Variants in ZDHHC20 observed in about 807,000 individuals in gnomAD.
ZDHHC20 encodes zDHHC palmitoyltransferase 20.
In ZDHHC20, 43 loss-of-function variants were observed where a neutral mutation model predicts 57.8. That is an observed-to-expected ratio of 0.74 (90% CI 0.58 to 0.96). The LOEUF is 0.96. Ranked by LOEUF, ZDHHC20 falls within the 40% of genes least tolerant of loss-of-function variation. The pLI, the probability that ZDHHC20 is intolerant of heterozygous loss-of-function variation, is 0.00. For synonymous variants in ZDHHC20, 157 were observed against 153.0 expected (o/e 1.03, Z -0.19); for missense variants, 391 against 441.1 (o/e 0.89, Z 1.02).
At position 21,426,038 on chromosome 13, in the gene ZDHHC20, G is replaced by A. The variant is rs559539200; in HGVS notation, c.119-360C>T. Among the ~76,000 whole-genome samples the A allele has an allele frequency of 2.0e-5, 3 of 152,280 alleles. No homozygotes were observed. In the South Asian group the frequency reaches 6.2e-4, roughly 32 times the overall value. On this transcript the variant is annotated intron_variant, in intron 1 of 12. Transcript: ENST00000400590. Reference sequence around the variant, plus strand: ...CCCCATAACTTATTTGTTAGTCTGTGATGTACTCTTATCAACCTCTTTGTG... The same window carrying A: ...CCCCATAACTTATTTGTTAGTCTGTAATGTACTCTTATCAACCTCTTTGTG...
chr13:21,378,230 G>A (rs1193941489), intron 12 of ZDHHC20, among the ~76,000 whole-genome samples: 1 of 151,768 alleles, frequency 6.6e-6, no homozygotes, highest in Non-Finnish European at 1.5e-5. Flanking sequence ...ATTTTTTGTC[G>A]AGATGAGGTC....
In ZDHHC20 at chr13:21,384,165, T is replaced by G. The variant is rs540352859; in HGVS notation, c.855-1156A>C. 4.6e-5 allele frequency among the ~76,000 whole-genome samples: 7 copies of G among 150,842 alleles called. No individual in the cohort carries two copies. In the East Asian group the frequency reaches 1.4e-3, roughly 30 times the overall value. Reference sequence around the variant, plus strand: ...AGTTTTCAGGCTGAGGTGGGCCGGGTGCAGTGGCTCACATCTGTAATCCCA... The same window carrying G: ...AGTTTTCAGGCTGAGGTGGGCCGGGGGCAGTGGCTCACATCTGTAATCCCA... On this transcript the variant is annotated intron_variant, in intron 9 of 12. Transcript: ENST00000400590.
chr13:21,424,437 A>T (rs967543668), intron 2 of ZDHHC20, among the ~76,000 whole-genome samples: 2 of 152,184 alleles, frequency 1.3e-5, no homozygotes, highest in African/African-American at 4.8e-5. Flanking sequence ...TGGCCAGGCA[A>T]CGTGGCTCAC....
chr13:21,412,181 T>G (rs9506674), intron 4 of ZDHHC20, among the ~76,000 whole-genome samples: 2 of 152,152 alleles, frequency 1.3e-5, no homozygotes, highest in Admixed American at 1.3e-4. Context: ...AATCCTTGAA[T>G]GCAGCTGCAA....
chr13:21,418,206 C>T (rs1593238493), intron 3 of ZDHHC20, among the ~76,000 whole-genome samples: 1 of 152,060 alleles, frequency 6.6e-6, no homozygotes, highest in African/African-American at 2.4e-5. Context: ...AATTACAATA[C>T]CAGATGATAA....
intron 1 of ZDHHC20, among the ~76,000 whole-genome samples, chr13:21,445,543 A>AT (rs759135872): frequency 5.9e-5 from 9 of 152,248 alleles, no homozygotes; most frequent in Non-Finnish European, 1.2e-4. Context: ...CACCTGCCTA[A>AT]TGAACAGGCT....
At chr13:21,407,366 T>A (rs574173523) in intron 4 of ZDHHC20, among the ~76,000 whole-genome samples, 1 of 152,256 alleles carries the variant, frequency 6.6e-6, no homozygotes, top group Non-Finnish European at 1.5e-5. Flanking sequence ...TTGATTTGCA[T>A]TTCTCTAATG....
At chr13:21,394,129 C>A (rs117282188) in intron 7 of ZDHHC20, among the ~76,000 whole-genome samples, 2,239 of 152,248 alleles carry the variant, frequency 0.015, 30 homozygotes, top group Non-Finnish European at 0.025. Flanking sequence ...GTAAAAGCCA[C>A]AGTCATTTCA....
chr13:21,414,850 G>C (rs1879757079), intron 3 of ZDHHC20, among the ~76,000 whole-genome samples: 1 of 150,802 alleles, frequency 6.6e-6, no homozygotes, highest in South Asian at 2.1e-4. Context: ...ATGTTACCAG[G>C]AACTACAGGT....
chr13:21,402,350 C>T (rs1199771004), intron 5 of ZDHHC20, among the ~76,000 whole-genome samples: 2 of 151,992 alleles, frequency 1.3e-5, no homozygotes, highest in Non-Finnish European at 2.9e-5. Flanking sequence ...ATTTGCCTCC[C>T]TACTAGAATA....
At chr13:21,387,049 G>C (rs533482400) in intron 9 of ZDHHC20, among the ~76,000 whole-genome samples, 2 of 152,272 alleles carry the variant, frequency 1.3e-5, no homozygotes, top group Admixed American at 6.5e-5. Flanking sequence ...ATGGAAACTG[G>C]AAAGAAATGG....
In ZDHHC20 at chr13:21,372,794, T is replaced by C. The variant is rs140382888; in HGVS notation, c.*3902A>G. 6.6e-6 allele frequency: 1 copy of C among 152,338 alleles called. No individual in the cohort carries two copies. The highest frequency in any genetic ancestry group is 2.4e-5 in the African/African-American group (1 of 41,586). The allele number at this position is 152,338 out of a possible 1,614,324, so 9.4% of individuals were successfully genotyped here. On this transcript the variant is annotated 3_prime_UTR_variant, in exon 13 of 13. Transcript: ENST00000400590. Reference sequence around the variant, plus strand: ...ACCAAACTAAACTGTACTTCAAATTTGTTTATATAAAAGCATATTAAAGCT... The same window carrying C: ...ACCAAACTAAACTGTACTTCAAATTCGTTTATATAAAAGCATATTAAAGCT...
rs1385019552 is a variant in ZDHHC20, at chr13:21,398,260, C to T, written c.594+2113G>A. On this transcript the variant is annotated intron_variant, in intron 7 of 12. Transcript: ENST00000400590. ...CGGGCAGATCACGAGGTCAGGAGAT[C>T]GAGACCATCCTGGCTAACACGGTGA... Among the ~76,000 whole-genome samples the T allele has an allele frequency of 7.2e-5, 11 of 152,114 alleles. No individual in the cohort carries two copies. The East Asian group carries it at 1.5e-3, about 21-fold the overall frequency.
At chr13:21,438,935 A>G (rs1038085039) in intron 1 of ZDHHC20, among the ~76,000 whole-genome samples, 6 of 152,258 alleles carry the variant, frequency 3.9e-5, no homozygotes, top group African/African-American at 1.2e-4. Flanking sequence ...CTGAAGGCTT[A>G]GGTGACTGCT....
At chr13:21,377,934 A>G (rs1199722605) in intron 12 of ZDHHC20, 1 of 152,320 alleles carries the variant, frequency 6.6e-6, no homozygotes, top group African/African-American at 2.4e-5. Context: ...TGTGTCTTTT[A>G]CAAACCATAT....
At chr13:21,417,917 C>T (rs1352306189) in intron 3 of ZDHHC20, among the ~76,000 whole-genome samples, 1 of 152,206 alleles carries the variant, frequency 6.6e-6, no homozygotes, top group Admixed American at 6.5e-5. Flanking sequence ...ATTACATTAA[C>T]ATCAAATTCA....
Position 21,387,579 on chromosome 13 carries a change from A to G in ZDHHC20, c.783T>C (p.Leu261=). Residue 261 remains leucine, a synonymous_variant, in exon 9 of 13, where the codon CTT becomes CTC. Coordinates refer to ENST00000400590, the MANE Select transcript of ZDHHC20 (RefSeq NM_001330059.2). ...SYGPDGNGFS[L]GCSKNWRQVF... Reference sequence around the variant, plus strand: ...CTTGTCTCCAATTTTTACTGCATCCAAGAGAGAAACCATTTCCATCAGGTC... The same window carrying G: ...CTTGTCTCCAATTTTTACTGCATCCGAGAGAGAAACCATTTCCATCAGGTC... 1 of 1,521,766 alleles carries G rather than the reference A, an allele frequency of 6.6e-7. No homozygotes were observed. The highest frequency in any genetic ancestry group is 8.8e-7 in the Non-Finnish European group (1 of 1,131,298). The allele number at this position is 1,521,766 out of a possible 1,614,324, so 94.3% of individuals were successfully genotyped here. A position where few individuals can be genotyped will look rare whatever the true frequency, so the allele number is the denominator to read the frequency against.
chr13:21,391,707 T>C lies in ZDHHC20; in HGVS notation c.727+15A>G. Reference sequence around the variant, plus strand: ...CATTGTCCTAAGTAATTATAATTTATTTTAACCTACTTACCTATTGTTGTT... The same window carrying C: ...CATTGTCCTAAGTAATTATAATTTACTTTAACCTACTTACCTATTGTTGTT... On this transcript the variant is annotated intron_variant, in intron 8 of 12. Transcript: ENST00000400590. The C allele has an allele frequency of 6.3e-7, 1 of 1,592,516 alleles. No individual in the cohort carries two copies. Among genetic ancestry groups the C allele is most frequent in the East Asian group, 2.2e-5 (1 of 44,788 alleles).
intron 10 of ZDHHC20, among the ~76,000 whole-genome samples, chr13:21,382,372 C>T (rs1176753097): frequency 2.0e-5 from 3 of 152,172 alleles, no homozygotes; most frequent in Non-Finnish European, 4.4e-5. Context: ...ACAGAAGTAT[C>T]TCTAGCTTCT....
Sources: allele counts gnomAD v4.1 joint callset (sites outside exome capture counted in the v4.1 genomes callset), GRCh38; gene constraint gnomAD v4.1.1; transcripts MANE v1.5; gene names NCBI Gene and HGNC (gene_info 2026-07-23, HGNC 2026-07-21).